MSMB: variants seen among roughly 807,000 people sequenced by gnomAD.
MSMB encodes microseminoprotein beta.
A neutral mutation model predicts 10.5 loss-of-function variants in MSMB; 10 were observed. The ratio of observed to expected loss-of-function variants is 0.95; its 90% CI spans 0.59 to 1.62. MSMB has a LOEUF of 1.62. Among genes scored for constraint, MSMB ranks in the 40% most tolerant of loss-of-function variants. The pLI is 0.00. For missense variants in MSMB, 126 were observed against 137.4 expected, an observed-to-expected ratio of 0.92 and a Z score of 0.42; for synonymous variants, 43 against 46.5, an observed-to-expected ratio of 0.93 and a Z score of 0.30.
intron 3 of MSMB, among the ~76,000 whole-genome samples, 181 bp downstream of exon 3, chr10:46,038,785 C>A (rs1182063409): frequency 2.0e-5 from 3 of 152,154 alleles, no homozygotes; most frequent in Admixed American, 6.5e-5. Flanking sequence ...GCAGGAGGCA[C>A]ATGGGAAATT....
chr10:46,044,177 G>A (rs1554929052), intron 1 of MSMB, among the ~76,000 whole-genome samples: 2 of 152,098 alleles, frequency 1.3e-5, no homozygotes, highest in Admixed American at 6.6e-5. Context: ...GTAACCCTGA[G>A]CTCCTGATGT....
intron 3 of MSMB, among the ~76,000 whole-genome samples, chr10:46,034,425 C>T (rs1167454680): frequency 6.6e-6 from 1 of 151,548 alleles, no homozygotes; most frequent in Non-Finnish European, 1.5e-5. Context: ...ACACCATGCC[C>T]AGCCCAGTGC....
intron 1 of MSMB, among the ~76,000 whole-genome samples, chr10:46,044,805 AAAAT>A (rs568817957): frequency 6.6e-6 from 1 of 151,670 alleles, no homozygotes; most frequent in Admixed American, 6.6e-5. Context: ...TAACAATAAT[AAAAT>A]AAATAAATAA....
At chr10:46,035,911 T>C (rs1365815498) in intron 3 of MSMB, among the ~76,000 whole-genome samples, 4 of 152,214 alleles carry the variant, frequency 2.6e-5, no homozygotes, top group Non-Finnish European at 4.4e-5. Flanking sequence ...ATGGTGAATC[T>C]GTGCTGCCTG....
intron 2 of MSMB, 96 bp from the exon 3 acceptor site, chr10:46,039,167 C>G: frequency 9.8e-7 from 1 of 1,025,132 alleles, no homozygotes; most frequent in Non-Finnish European, 1.5e-6. Flanking sequence ...TACACCCCTC[C>G]CAGAGAGAGA....
At chr10:46,035,497 A>G (rs1198289313) in intron 3 of MSMB, among the ~76,000 whole-genome samples, 1 of 152,260 alleles carries the variant, frequency 6.6e-6, no homozygotes, top group Non-Finnish European at 1.5e-5. Flanking sequence ...GTACTGATAC[A>G]TGCTACAACA....
intron 3 of MSMB, among the ~76,000 whole-genome samples, chr10:46,036,728 C>T (rs1458852412): frequency 6.6e-6 from 1 of 152,160 alleles, no homozygotes; most frequent in African/African-American, 2.4e-5. Context: ...AAGGAGCAGC[C>T]TGGCTCGTTT....
chr10:46,038,908 G>A, intron 3 of MSMB, 58 bp downstream of exon 3: 4 of 1,443,712 alleles, frequency 2.8e-6, no homozygotes, highest in Non-Finnish European at 3.9e-6. Flanking sequence ...AGACGGAGTA[G>A]CTGTTCCTCA....
chr10:46,033,605 C>T (rs1554927139), intron 3 of MSMB, 54 bp from the exon 4 acceptor site: 2 of 1,602,374 alleles, frequency 1.2e-6, no homozygotes, highest in Admixed American at 3.4e-5. Context: ...CCCGAGCACC[C>T]CCTCCCCAGT....
chr10:46,043,908 C>G (rs1840813472), intron 1 of MSMB, among the ~76,000 whole-genome samples: 1 of 143,998 alleles, frequency 6.9e-6, no homozygotes, highest in Non-Finnish European at 1.5e-5. Context: ...TACCTGACCT[C>G]AAATGATCCG....
At chr10:46,044,390 C>A (rs111337076) in intron 1 of MSMB, among the ~76,000 whole-genome samples, 1 of 150,210 alleles carries the variant, frequency 6.7e-6, no homozygotes, top group Non-Finnish European at 1.5e-5. Context: ...TCCTGGCTAA[C>A]ATGGTGAAAC....
At chr10:46,041,943 T>C (rs1554928686) in intron 1 of MSMB, among the ~76,000 whole-genome samples, 1 of 152,098 alleles carries the variant, frequency 6.6e-6, no homozygotes, top group Non-Finnish European at 1.5e-5. Flanking sequence ...CTTTGAGATC[T>C]GTGGAGAGCG....
chr10:46,041,238 G>A (rs1239149953), intron 1 of MSMB, among the ~76,000 whole-genome samples: 4 of 151,920 alleles, frequency 2.6e-5, no homozygotes, highest in East Asian at 1.9e-4. Context: ...CCAGGTACTC[G>A]GGAGGCTGAG....
At chr10:46,039,562 G>T (rs1840695361) in intron 2 of MSMB, among the ~76,000 whole-genome samples, 1 of 152,152 alleles carries the variant, frequency 6.6e-6, no homozygotes, top group South Asian at 2.1e-4. Context: ...TGGGTACAGG[G>T]CCCAGGCTAC....
chr10:46,039,856 T>C, intron 2 of MSMB, 130 bp downstream of exon 2: 1 of 673,428 alleles, frequency 1.5e-6, no homozygotes, highest in Non-Finnish European at 2.5e-6. Flanking sequence ...CACTCCAGCC[T>C]GGGAGACAGA....
At chr10:46,038,136 T>G in intron 3 of MSMB, among the ~76,000 whole-genome samples, 1 of 152,190 alleles carries the variant, frequency 6.6e-6, no homozygotes, top group East Asian at 1.9e-4. Context: ...GGAGAGTGAC[T>G]GCTTAATGGG....
chr10:46,035,459 ATAT>A (rs1554927427), intron 3 of MSMB, among the ~76,000 whole-genome samples: 1 of 152,250 alleles, frequency 6.6e-6, no homozygotes, highest in Non-Finnish European at 1.5e-5. Context: ...ATGCCATGGA[ATAT>A]TATTCTGGCA....
chr10:46,044,740 C>G (rs1261334539), intron 1 of MSMB, among the ~76,000 whole-genome samples: 1 of 151,468 alleles, frequency 6.6e-6, no homozygotes, highest in Non-Finnish European at 1.5e-5. Context: ...TCACTTGGGC[C>G]CAAGAGTTAG....
At chr10:46,042,761 G>A (rs12772958) in intron 1 of MSMB, among the ~76,000 whole-genome samples, 2 of 152,186 alleles carry the variant, frequency 1.3e-5, no homozygotes, top group Non-Finnish European at 2.9e-5. Flanking sequence ...CACATGTCAC[G>A]ACATGAAATG....
Sources: allele counts gnomAD v4.1 joint callset (sites outside exome capture counted in the v4.1 genomes callset), GRCh38; gene constraint gnomAD v4.1.1; transcripts MANE v1.5; gene names NCBI Gene and HGNC (gene_info 2026-07-23, HGNC 2026-07-21).